NT5DC1: variants seen among roughly 807,000 people sequenced by gnomAD.
NT5DC1 encodes 5'-nucleotidase domain containing 1, also known as 5'-nucleotidase domain-containing protein 1.
Under a neutral mutation model 59.4 loss-of-function variants are expected in NT5DC1, and 42 were observed. That is an observed-to-expected ratio of 0.71 (90% CI 0.55 to 0.92). The LOEUF (loss-of-function observed/expected upper bound fraction) is 0.92. Among genes scored for constraint, NT5DC1 ranks in the 40% least tolerant of loss-of-function variants. The pLI is 0.00. For missense variants in NT5DC1, 501 were observed against 537.1 expected (o/e 0.93, Z 0.66); for synonymous variants, 172 against 188.1 (o/e 0.91, Z 0.70).
At chr6:116,175,086 A>T (rs889977000) in intron 6 of NT5DC1, among the ~76,000 whole-genome samples, 1 of 152,152 alleles carries the variant, frequency 6.6e-6, no homozygotes, top group Non-Finnish European at 1.5e-5. Context: ...CAGAAATTTA[A>T]TTTTCTTGAG....
intron 8 of NT5DC1, among the ~76,000 whole-genome samples, chr6:116,234,196 G>A (rs1414167646): frequency 3.3e-5 from 5 of 151,324 alleles, no homozygotes; most frequent in Admixed American, 2.0e-4. Context: ...TCCTGACCTC[G>A]TGATCCACCT....
chr6:116,223,034 G>T lies in NT5DC1; in HGVS notation c.705G>T (p.Gly235=). The change falls in exon 8 of 12, where the codon GGG becomes GGT. Residue 235 remains glycine, a splice_region_variant and synonymous_variant. Transcript: ENST00000319550. ...YCRLLCEYIL[G]NDFTDLFDIV... ...TTATGAAAAATTGTGTTGCTTTTAG[G>T]AATGATTTTACAGACCTTTTTGACA... 1 of 1,540,510 alleles carries T rather than the reference G, an allele frequency of 6.5e-7. No individual in the cohort carries two copies. Among genetic ancestry groups the T allele is most frequent in the South Asian group, 1.1e-5 (1 of 87,954 alleles).
chr6:116,135,870 T>TATAC, intron 6 of NT5DC1, among the ~76,000 whole-genome samples: 1 of 119,272 alleles, frequency 8.4e-6, no homozygotes, highest in Admixed American at 7.9e-5. Flanking sequence ...TATATATATA[T>TATAC]ATACACACAT....
At chr6:116,232,516 A>G (rs1247712098) in intron 8 of NT5DC1, among the ~76,000 whole-genome samples, 6 of 116,228 alleles carry the variant, frequency 5.2e-5, no homozygotes, top group African/African-American at 1.2e-4. Flanking sequence ...TAAATATATT[A>G]CTGATTCAGA....
intron 6 of NT5DC1, among the ~76,000 whole-genome samples, chr6:116,161,712 C>T (rs1249237732): frequency 6.6e-6 from 1 of 152,118 alleles, no homozygotes; most frequent in Non-Finnish European, 1.5e-5. Flanking sequence ...GCTATTTAGG[C>T]TCTTATGGGT....
At chr6:116,109,230 T>A (rs1257462716) in intron 3 of NT5DC1, among the ~76,000 whole-genome samples, 1 of 152,222 alleles carries the variant, frequency 6.6e-6, no homozygotes, top group East Asian at 1.9e-4. Context: ...ATATGTACTC[T>A]CTTTTGTTGC....
chr6:116,104,922 C>T (rs796773610), intron 1 of NT5DC1, among the ~76,000 whole-genome samples: 3 of 152,110 alleles, frequency 2.0e-5, no homozygotes, highest in African/African-American at 7.2e-5. Context: ...TCAGAGAGGG[C>T]CCTCTCTACC....
rs71272373 is a variant in NT5DC1, at chr6:116,163,126, C to CAA, written c.529+45196_529+45197dup. On this transcript the variant is annotated intron_variant, in intron 6 of 11. Coordinates refer to ENST00000319550, the MANE Select transcript of NT5DC1 (RefSeq NM_152729.3). The stretch of plus-strand genomic sequence containing the variant: ...TGGGAGACACAGCGAGACTCCGTCT[C>CAA]AAAAAAAAAAAAAAAATATATATAT... Among the ~76,000 whole-genome samples, 41 of 84,310 alleles carry CAA rather than the reference C, an allele frequency of 4.9e-4. 1 individual carries two copies. The highest frequency in any genetic ancestry group is 2.6e-3 in the African/African-American group (33 of 12,720). 55.3% of individuals were successfully genotyped at this position (84,310 alleles called of 152,430 possible).
chr6:116,198,601 T>C (rs1356865656), intron 6 of NT5DC1, among the ~76,000 whole-genome samples: 1 of 151,822 alleles, frequency 6.6e-6, no homozygotes, highest in Non-Finnish European at 1.5e-5. Flanking sequence ...TCTGGTGGTG[T>C]GCACCTGCAG....
intron 6 of NT5DC1, among the ~76,000 whole-genome samples, chr6:116,129,990 TA>T (rs1247113556): frequency 6.6e-6 from 1 of 152,198 alleles, no homozygotes; most frequent in Non-Finnish European, 1.5e-5. Flanking sequence ...AGTGGTATGA[TA>T]TACTTCTGTT....
intron 11 of NT5DC1, among the ~76,000 whole-genome samples, chr6:116,242,972 A>G (rs1366440084): frequency 1.3e-5 from 2 of 152,302 alleles, no homozygotes; most frequent in African/African-American, 2.4e-5. Context: ...GCTGAGGCTT[A>G]GTGTTAGCTC....
At chr6:116,127,757 A>T (rs1338341474) in intron 6 of NT5DC1, among the ~76,000 whole-genome samples, 3 of 152,170 alleles carry the variant, frequency 2.0e-5, no homozygotes, top group African/African-American at 7.2e-5. Context: ...ATGCACACAC[A>T]TACTGCTATT....
At chr6:116,139,480 C>T (rs184327450) in intron 6 of NT5DC1, among the ~76,000 whole-genome samples, 3 of 152,156 alleles carry the variant, frequency 2.0e-5, no homozygotes, top group Admixed American at 2.0e-4. Flanking sequence ...AATTCTTGTA[C>T]ATTTTAATAC....
At chr6:116,117,669 A>G (rs983813101) in intron 5 of NT5DC1, among the ~76,000 whole-genome samples, 192 bp from the exon 6 acceptor site, 1 of 152,162 alleles carries the variant, frequency 6.6e-6, no homozygotes, top group Admixed American at 6.5e-5. Flanking sequence ...GTGAAAAACA[A>G]TTGTTGTATG....
At chr6:116,237,799 A>G (rs73773831) in intron 9 of NT5DC1, among the ~76,000 whole-genome samples, 6,069 of 152,304 alleles carry the variant, frequency 0.04, 184 homozygotes, top group African/African-American at 0.08. Context: ...TGCACTTTTA[A>G]TAATCTCTAA....
At chr6:116,240,580 G>A (rs1013432776) in intron 11 of NT5DC1, among the ~76,000 whole-genome samples, 1 of 151,230 alleles carries the variant, frequency 6.6e-6, no homozygotes, top group Non-Finnish European at 1.5e-5. Context: ...GAAAATGATG[G>A]GGAAAAAAAT....
intron 6 of NT5DC1, among the ~76,000 whole-genome samples, chr6:116,132,568 A>G (rs767930339): frequency 2.0e-5 from 3 of 152,116 alleles, no homozygotes; most frequent in Non-Finnish European, 2.9e-5. Flanking sequence ...GGGGCAGGAA[A>G]GTTCATCCAC....
At chr6:116,234,376 T>C (rs774912628) in intron 8 of NT5DC1, among the ~76,000 whole-genome samples, 20 of 152,186 alleles carry the variant, frequency 1.3e-4, no homozygotes, top group Non-Finnish European at 2.9e-4. Context: ...GGTCTACTTC[T>C]GTCACCCAGT....
At chr6:116,231,106 C>CAAA (rs34948626) in intron 8 of NT5DC1, among the ~76,000 whole-genome samples, 43 of 69,852 alleles carry the variant, frequency 6.2e-4, no homozygotes, top group East Asian at 9.8e-4. Context: ...AACTCCGTCT[C>CAAA]AAAAAAAAAA....
Sources: gnomAD v4.1 joint callset for allele counts (sites outside exome capture counted in the v4.1 genomes callset) on GRCh38, gnomAD v4.1.1 for gene constraint, MANE v1.5 for transcripts, NCBI Gene and HGNC (gene_info 2026-07-23, HGNC 2026-07-21) for gene names.